Variants in SMG7 observed in about 807,000 individuals in gnomAD.
SMG7 encodes nonsense-mediated mRNA decay factor SMG7.
Under a neutral mutation model 148.2 loss-of-function variants are expected in SMG7, and 34 were observed. That is an observed-to-expected ratio of 0.23 (90% CI 0.17 to 0.31). The LOEUF (loss-of-function observed/expected upper bound fraction) is 0.31. Among genes scored for constraint, SMG7 ranks in the 10% least tolerant of loss-of-function variants. The pLI is 1.00. For synonymous variants in SMG7, 492 were observed against 515.1 expected (o/e 0.96, Z 0.61); for missense variants, 1,114 against 1,408.4 (o/e 0.79, Z 3.35).
intron 14 of SMG7, among the ~76,000 whole-genome samples, chr1:183,542,925 ATATGTGTGTGTGTGTGTGTGTGTG>A (rs1462059397): frequency 2.1e-5 from 3 of 141,586 alleles, no homozygotes; most frequent in Admixed American, 2.1e-4. Context: ...TAATATATAT[ATATGTGTGTGTGTGTGTGTGTGTG>A]TGTGTGTGTG....
intron 1 of SMG7, chr1:183,473,833 C>G: frequency 1.0e-6 from 1 of 985,338 alleles, no homozygotes; most frequent in Non-Finnish European, 1.2e-6. Context: ...GTGGAAAAGT[C>G]ACTTTAGCTG....
intron 15 of SMG7, 145 bp from the exon 16 acceptor site, chr1:183,544,780 TTCAAA>T: frequency 1.1e-6 from 1 of 899,010 alleles, no homozygotes; most frequent in Non-Finnish European, 1.7e-6. Flanking sequence ...TTTTTAGTTC[TTCAAA>T]TCAAGTTAAA....
intron 1 of SMG7, among the ~76,000 whole-genome samples, chr1:183,507,566 A>G (rs921994969): frequency 4.6e-5 from 7 of 152,218 alleles, no homozygotes; most frequent in African/African-American, 1.7e-4. Flanking sequence ...AGTGGGAACA[A>G]TAACAGTACT....
rs144131807 is a variant in SMG7, at chr1:183,551,683, T to C, written c.3451-135T>C. Reference sequence around the variant, plus strand: ...AGAGTCTTATAATGACTTTTTCTAATAGCTGGATTTTTATGGGGAGTGGGG... The same window carrying C: ...AGAGTCTTATAATGACTTTTTCTAACAGCTGGATTTTTATGGGGAGTGGGG... On this transcript the variant is annotated intron_variant, in intron 22 of 22. Transcript: ENST00000688051. 6.0e-4 allele frequency: 335 copies of C among 558,310 alleles called. 3 individuals are homozygous for C. Among genetic ancestry groups the C allele is most frequent in the African/African-American group, 5.9e-3 (313 of 52,788 alleles). 34.6% of individuals were successfully genotyped at this position (558,310 alleles called of 1,614,324 possible). A position where few individuals can be genotyped will look rare whatever the true frequency, so the allele number is the denominator to read the frequency against.
intron 3 of SMG7, 70 bp downstream of exon 3, chr1:183,516,061 G>A (rs1437153155): frequency 6.2e-5 from 57 of 922,954 alleles, no homozygotes; most frequent in Non-Finnish European, 4.7e-5. Flanking sequence ...AAAACAGTTT[G>A]GTTCGTTATT....
rs116289308 is a variant in SMG7 at position 183,539,649 on chromosome 1, A to G, written c.1295+1209A>G. On this transcript the variant is annotated intron_variant, in intron 12 of 22. Coordinates refer to ENST00000688051, the MANE Select transcript of SMG7 (RefSeq NM_001375584.1). ...TTCCGATTTGGTCAGCCAAAAAGCA[A>G]TCTTCTTTCTCTATTTTCTGTCTGT... Among the ~76,000 whole-genome samples the G allele has an allele frequency of 2.5e-3, 386 of 152,362 alleles. 1 individual carries two copies. Among genetic ancestry groups the G allele is most frequent in the African/African-American group, 8.5e-3 (355 of 41,594 alleles).
At chr1:183,528,677 C>G (rs150332077) in intron 6 of SMG7, among the ~76,000 whole-genome samples, 3 of 152,180 alleles carry the variant, frequency 2.0e-5, no homozygotes, top group Non-Finnish European at 4.4e-5. Flanking sequence ...AAGCCGCTCT[C>G]TACCCTAATA....
At chr1:183,533,562 A>G (rs1667226871) in intron 9 of SMG7, 114 bp from the exon 10 acceptor site, 1 of 965,830 alleles carries the variant, frequency 1.0e-6, no homozygotes, top group African/African-American at 1.6e-5. Context: ...TTTAGAAAGA[A>G]GCTGTAAGAT....
At chr1:183,476,124 C>T (rs368501845) in intron 1 of SMG7, among the ~76,000 whole-genome samples, 3 of 152,154 alleles carry the variant, frequency 2.0e-5, no homozygotes, top group Non-Finnish European at 4.4e-5. Flanking sequence ...CATTTAAAGT[C>T]TGCAGTGGGG....
chr1:183,498,417 T>A (rs2102288335), intron 1 of SMG7, among the ~76,000 whole-genome samples: 1 of 152,304 alleles, frequency 6.6e-6, no homozygotes, highest in African/African-American at 2.4e-5. Context: ...TAGTTGCAGC[T>A]ACTTGGGTGG....
intron 1 of SMG7, chr1:183,501,393 C>G (rs1472284695): frequency 6.6e-6 from 1 of 152,190 alleles, no homozygotes; most frequent in Non-Finnish European, 1.5e-5. Flanking sequence ...GAATATAAGA[C>G]ATTCTTACTA....
At chr1:183,504,867 CT>C (rs1010436584) in intron 1 of SMG7, among the ~76,000 whole-genome samples, 5 of 152,124 alleles carry the variant, frequency 3.3e-5, no homozygotes, top group Non-Finnish European at 4.4e-5. Context: ...TTTCCTAGTT[CT>C]AACACATTTC....
Position 183,550,842 on chromosome 1 carries a change from A to G in SMG7, c.3225A>G (p.Pro1075=), listed in dbSNP as rs374698086. 154 of 1,613,994 alleles carry G rather than the reference A, an allele frequency of 9.5e-5. No homozygotes were observed. Among genetic ancestry groups the G allele is most frequent in the Non-Finnish European group, 1.2e-4 (141 of 1,179,996 alleles). ...CAACACACAACCATAATTCTGTTCC[A>G]TTCTCCAATTTTGGACCCATTGGGA... ...SPPTHNHNSV[P]FSNFGPIGTP... is the part of the protein sequence containing the mutation. Residue 1075 remains proline, a synonymous_variant, in exon 21 of 23, where the codon CCA becomes CCG. Transcript: ENST00000688051.
chr1:183,506,622 A>G (rs1226756706), intron 1 of SMG7, among the ~76,000 whole-genome samples: 1 of 151,548 alleles, frequency 6.6e-6, no homozygotes, highest in Non-Finnish European at 1.5e-5. Flanking sequence ...ACAAGTGAAC[A>G]AATTAACTTG....
chr1:183,537,153 C>G lies in SMG7; in HGVS notation c.1172C>G (p.Pro391Arg). 1 of 1,611,886 alleles carries G rather than the reference C, an allele frequency of 6.2e-7. No individual in the cohort carries two copies. Among genetic ancestry groups the G allele is most frequent in the Non-Finnish European group, 8.5e-7 (1 of 1,178,244 alleles). ...AVVDERQYIW[P>R]WLISLLNSFH... The stretch of plus-strand genomic sequence containing the variant: ...CTTTCTTTAATTTACAGCATTTGGC[C>G]CTGGTTGATTTCTCTTCTGAATAGT... Residue 391 changes from proline (P) to arginine (R), a missense_variant, in exon 11 of 23, where the codon CCC becomes CGC. Around this residue, in one of 4 missense-constraint regions of SMG7, gnomAD observed 102 missense variants for 147.2 expected, o/e 0.69. Coordinates refer to ENST00000688051, the MANE Select transcript of SMG7 (RefSeq NM_001375584.1).
chr1:183,475,525 T>C (rs997478919), intron 1 of SMG7, among the ~76,000 whole-genome samples: 1 of 152,236 alleles, frequency 6.6e-6, no homozygotes, highest in African/African-American at 2.4e-5. Context: ...CTCTGTGTAA[T>C]GTAGTGGTGG....
intron 10 of SMG7, among the ~76,000 whole-genome samples, chr1:183,534,526 C>A (rs1667401635): frequency 6.6e-6 from 1 of 152,156 alleles, no homozygotes; most frequent in African/African-American, 2.4e-5. Flanking sequence ...TGTATATTGA[C>A]CAAGGTCACA....
At chr1:183,497,239 C>T (rs559236067) in intron 1 of SMG7, among the ~76,000 whole-genome samples, 38 of 152,320 alleles carry the variant, frequency 2.5e-4, no homozygotes, top group African/African-American at 7.2e-4. Flanking sequence ...AGAACAACTT[C>T]GCTCAAATGT....
Position 183,545,303 on chromosome 1 carries a change from A to C in SMG7, c.2361A>C (p.Gly787=), listed in dbSNP as rs758969605. The change falls in exon 16 of 23, where the codon GGA becomes GGC. Residue 787 remains glycine (G), a synonymous_variant. Transcript: ENST00000688051. ...ALGKSPPHHS[G]FQQYQQADAS... is the part of the protein sequence containing the mutation. ...GGAAAAGCCCGCCTCACCACTCTGG[A>C]TTCCAGCAGGTAAGTTACAGTTGTG... The C allele has an allele frequency of 1.2e-5, 19 of 1,608,804 alleles. No individual in the cohort carries two copies. The Admixed American group carries it at 1.8e-4, about 16-fold the overall frequency.
Sources: allele counts gnomAD v4.1 joint callset (sites outside exome capture counted in the v4.1 genomes callset), GRCh38; gene constraint gnomAD v4.1.1; regional missense constraint gnomAD v4.1.1; transcripts MANE v1.5; gene names NCBI Gene and HGNC (gene_info 2026-07-23, HGNC 2026-07-21).